COL14A1: variants seen among roughly 807,000 people sequenced by gnomAD.
The protein encoded by COL14A1 is collagen alpha-1(XIV) chain.
COL14A1 carries 136 observed loss-of-function variants against 230.3 expected under a neutral mutation model. The ratio of observed to expected loss-of-function variants is 0.59; its 90% CI spans 0.51 to 0.68. The LOEUF is 0.68. Ranked by LOEUF, COL14A1 falls within the 30% of genes least tolerant of loss-of-function variation. COL14A1 has a pLI of 0.00. For missense variants in COL14A1, 1,976 were observed against 2,215.8 expected (o/e 0.89, Z 2.17); for synonymous variants, 792 against 784.1 (o/e 1.01, Z -0.17).
Position 120,146,613 on chromosome 8 carries a change from T to C in COL14A1, c.-37-1193T>C, listed in dbSNP as rs139444930. ...AATTTTAATTCCAGATAAACAATGA[T>C]TTTTTTAAAAATAGTGTTTTTCAAC... On this transcript the variant is annotated intron_variant, in intron 1 of 47. Transcript: ENST00000297848. Among the ~76,000 whole-genome samples the C allele has an allele frequency of 2.7e-3, 417 of 152,280 alleles. 5 individuals are homozygous for C. The highest frequency in any genetic ancestry group is 9.8e-3 in the African/African-American group (406 of 41,574).
intron 47 of COL14A1, chr8:120,370,823 CT>C (rs1823561639): frequency 2.9e-6 from 4 of 1,357,388 alleles, no homozygotes; most frequent in Non-Finnish European, 3.9e-6. Flanking sequence ...TGGTGATGGA[CT>C]TCTAACATGA....
chr8:120,242,265 G>A (rs80168467), intron 19 of COL14A1, among the ~76,000 whole-genome samples: 3,957 of 152,284 alleles, frequency 0.026, 73 homozygotes, highest in Non-Finnish European at 0.032. Context: ...AATGCTTACA[G>A]CAGCACCTGG....
intron 4 of COL14A1, among the ~76,000 whole-genome samples, chr8:120,166,930 T>C (rs952410434): frequency 9.2e-6 from 1 of 108,364 alleles, no homozygotes; most frequent in East Asian, 2.7e-4. Flanking sequence ...GTGGTGGTGA[T>C]GATGGTGGTG....
At chr8:120,180,831 C>T (rs917343671) in intron 5 of COL14A1, among the ~76,000 whole-genome samples, 1 of 151,044 alleles carries the variant, frequency 6.6e-6, no homozygotes, top group African/African-American at 2.4e-5. Context: ...CTGCAGCCTC[C>T]TGAGTAGCTG....
chr8:120,150,221 A>AT (rs1176170792), intron 2 of COL14A1, among the ~76,000 whole-genome samples: 1 of 152,164 alleles, frequency 6.6e-6, no homozygotes, highest in Non-Finnish European at 1.5e-5. Context: ...ATTATGGAAG[A>AT]TTTTAAACAA....
At position 120,318,955 on chromosome 8, in the gene COL14A1, T is replaced by C. The variant is rs112829592; in HGVS notation, c.4659+2958T>C. ...AACGTTACTGTGCCTTTATTTCCCC[T>C]GTCCTGTGTGAGTAAAGCCTACTCT... is the stretch of plus-strand genomic sequence containing the variant. On this transcript the variant is annotated intron_variant, in intron 40 of 47. Transcript: ENST00000297848. Among the ~76,000 whole-genome samples the C allele has an allele frequency of 5.2e-3, 792 of 152,206 alleles. 8 individuals are homozygous for C. The highest frequency in any genetic ancestry group is 0.018 in the African/African-American group (749 of 41,532).
At chr8:120,321,604 C>G (rs1210675395) in intron 40 of COL14A1, among the ~76,000 whole-genome samples, 1 of 150,952 alleles carries the variant, frequency 6.6e-6, no homozygotes, top group Non-Finnish European at 1.5e-5. Context: ...GATCGCACCA[C>G]TGCACTCCAG....
chr8:120,162,063 A>G (rs1374041739), intron 3 of COL14A1, among the ~76,000 whole-genome samples: 2 of 152,226 alleles, frequency 1.3e-5, no homozygotes, highest in Non-Finnish European at 2.9e-5. Flanking sequence ...TTCCTGCTAT[A>G]TAAAAGCAGT....
intron 40 of COL14A1, among the ~76,000 whole-genome samples, chr8:120,330,657 TG>T (rs924572555): frequency 6.6e-6 from 1 of 152,070 alleles, no homozygotes; most frequent in Non-Finnish European, 1.5e-5. Context: ...GAGATTTGGG[TG>T]GGGACACAGC....
chr8:120,332,135 C>T lies in COL14A1; in HGVS notation c.4660-6C>T, dbSNP rs751945939. 89 of 1,613,834 alleles carry T rather than the reference C, an allele frequency of 5.5e-5. No homozygotes were observed. The highest frequency in any genetic ancestry group is 7.3e-5 in the Non-Finnish European group (86 of 1,179,848). Reference sequence around the variant, plus strand: ...CTTGCTGACATGCTGTGTTTCTTTTCGCCAGGGCCTTCCGGGAAAGGATGG... The same window carrying T: ...CTTGCTGACATGCTGTGTTTCTTTTTGCCAGGGCCTTCCGGGAAAGGATGG... On this transcript the variant is annotated splice_region_variant and splice_polypyrimidine_tract_variant and intron_variant, in intron 40 of 47. Coordinates refer to ENST00000297848, the MANE Select transcript of COL14A1 (RefSeq NM_021110.4).
At chr8:120,263,464 C>T (rs534568479) in intron 24 of COL14A1, among the ~76,000 whole-genome samples, 5 of 152,278 alleles carry the variant, frequency 3.3e-5, no homozygotes, top group Admixed American at 3.3e-4. Flanking sequence ...GAAGCTCTTG[C>T]ACTTTTTCCA....
intron 31 of COL14A1, 58 bp from the exon 32 acceptor site, chr8:120,283,578 A>G: frequency 6.5e-7 from 1 of 1,529,680 alleles, no homozygotes; most frequent in Non-Finnish European, 8.8e-7. Flanking sequence ...TTTATAATCA[A>G]AGGAGTAACT....
chr8:120,321,000 G>C (rs932278398), intron 40 of COL14A1, among the ~76,000 whole-genome samples: 2 of 152,162 alleles, frequency 1.3e-5, no homozygotes, highest in African/African-American at 4.8e-5. Flanking sequence ...GTAAGTGTTA[G>C]AGCCAGGATT....
chr8:120,311,001 G>A (rs1821015696), intron 37 of COL14A1, among the ~76,000 whole-genome samples: 1 of 152,066 alleles, frequency 6.6e-6, no homozygotes, highest in Non-Finnish European at 1.5e-5. Context: ...ATTTATTCAT[G>A]GAGAGGAGAA....
intron 34 of COL14A1, 44 bp from the exon 35 acceptor site, chr8:120,297,467 T>TTA: frequency 1.0e-6 from 1 of 962,192 alleles, no homozygotes; most frequent in South Asian, 2.6e-5. Context: ...TAAAGATAAT[T>TTA]TATATATATT....
intron 7 of COL14A1, among the ~76,000 whole-genome samples, chr8:120,198,730 T>C (rs930514233): frequency 4.6e-5 from 7 of 152,226 alleles, no homozygotes; most frequent in African/African-American, 1.7e-4. Flanking sequence ...CTGTATTGCC[T>C]GCCACAGGCA....
intron 4 of COL14A1, among the ~76,000 whole-genome samples, chr8:120,163,781 T>TA (rs983972760): frequency 6.6e-6 from 1 of 150,496 alleles, no homozygotes; most frequent in Non-Finnish European, 1.5e-5. Flanking sequence ...AAAAATAAAA[T>TA]AAAAAATAAA....
intron 34 of COL14A1, among the ~76,000 whole-genome samples, chr8:120,293,666 T>G (rs79022232): frequency 0.013 from 1,913 of 151,928 alleles, 42 homozygotes; most frequent in African/African-American, 0.043. Context: ...CTTCTTCCAT[T>G]AGGACAGACT....
chr8:120,371,689 A>G lies in COL14A1; in HGVS notation c.*458A>G. 1 of 398,518 alleles carries G rather than the reference A, an allele frequency of 2.5e-6. No individual in the cohort carries two copies. Among genetic ancestry groups the G allele is most frequent in the Non-Finnish European group, 4.4e-6 (1 of 225,796 alleles). The allele number at this position is 398,518 out of a possible 1,614,324, so 24.7% of individuals were successfully genotyped here. A position where few individuals can be genotyped will look rare whatever the true frequency, so the allele number is the denominator to read the frequency against. On this transcript the variant is annotated 3_prime_UTR_variant, in exon 48 of 48. Coordinates refer to ENST00000297848, the MANE Select transcript of COL14A1 (RefSeq NM_021110.4). Reference sequence around the variant, plus strand: ...GGAATAACCTTGCTGATAAGAAAAAAAGGGACAATATTGGAGAAACTACCT... The same window carrying G: ...GGAATAACCTTGCTGATAAGAAAAAGAGGGACAATATTGGAGAAACTACCT...
Sources: gnomAD v4.1 joint callset for allele counts (sites outside exome capture counted in the v4.1 genomes callset) on GRCh38, gnomAD v4.1.1 for gene constraint, MANE v1.5 for transcripts, NCBI Gene and HGNC (gene_info 2026-07-23, HGNC 2026-07-21) for gene names.